The following ZNF14 variants were observed in gnomAD, a reference collection of about 807,000 sequenced individuals.
ZNF14 encodes the protein gonadotropin inducible transcription repressor-4.
Under a neutral mutation model 11.3 loss-of-function variants are expected in ZNF14, and 9 were observed. That is an observed-to-expected ratio of 0.80 (90% CI 0.48 to 1.39). The LOEUF is 1.39. Among genes scored for constraint, ZNF14 ranks in the 40% most tolerant of loss-of-function variants. The pLI, the probability that ZNF14 is intolerant of heterozygous loss-of-function variation, is 0.00. For missense variants in ZNF14, 711 were observed against 763.9 expected (o/e 0.93, Z 0.82); for synonymous variants, 239 against 245.7 (o/e 0.97, Z 0.25).
Position 19,711,956 on chromosome 19 carries a change from TTG to T in ZNF14, c.1323_1324del (p.His441GlnfsTer7), listed in dbSNP as rs2062361984. The T allele has an allele frequency of 2.5e-6, 4 of 1,611,160 alleles. No homozygotes were observed. Among genetic ancestry groups the T allele is most frequent in the Non-Finnish European group, 3.4e-6 (4 of 1,179,124 alleles). ...TTTACATTCATAGGGTTTCTCTGCA[TTG>T]TGAGTCCTTTCATGTCTTTGAAGGG... On this transcript the variant is annotated frameshift_variant, in exon 4 of 4. Transcript: ENST00000344099. LOFTEE classifies it low-confidence loss of function (END_TRUNC).
At chr19:19,719,953 G>A (rs1358301645) in intron 1 of ZNF14, among the ~76,000 whole-genome samples, 1 of 152,182 alleles carries the variant, frequency 6.6e-6, no homozygotes, top group Non-Finnish European at 1.5e-5. Flanking sequence ...TTCAGACAAA[G>A]CTGACTTCAC....
intron 1 of ZNF14, among the ~76,000 whole-genome samples, chr19:19,730,425 A>ATCACAGAC (rs2062419845): frequency 1.3e-5 from 2 of 152,230 alleles, no homozygotes; most frequent in African/African-American, 4.8e-5. Flanking sequence ...ACAGACAATG[A>ATCACAGAC]AATACAATCA....
At chr19:19,723,291 A>G (rs1040114637) in intron 1 of ZNF14, among the ~76,000 whole-genome samples, 1 of 152,192 alleles carries the variant, frequency 6.6e-6, no homozygotes, top group East Asian at 1.9e-4. Flanking sequence ...GCATGAAGGA[A>G]GGGCTGTTGA....
Position 19,712,529 on chromosome 19 carries a change from T to C in ZNF14, c.752A>G (p.Tyr251Cys), listed in dbSNP as rs1284540714. The part of the protein sequence containing the change: ...HKRTHTGEKP[Y>C]ECKQCGKAFS... ...AGCCTTACCACATTGCTTACATTCA[T>C]AGGGTTTCTCTCCAGTGTGAGTCCT... is the stretch of plus-strand genomic sequence containing the variant. Residue 251 changes from tyrosine to cysteine, a missense_variant, in exon 4 of 4, where the codon TAT (tyrosine) becomes TGT (cysteine). Tyr to Cys is a radical substitution (Grantham distance 194). Transcript: ENST00000344099. 1 of 1,613,520 alleles carries C rather than the reference T, an allele frequency of 6.2e-7. No homozygotes were observed.
intron 1 of ZNF14, among the ~76,000 whole-genome samples, chr19:19,730,438 G>A (rs2062419899): frequency 6.6e-6 from 1 of 152,142 alleles, no homozygotes; most frequent in Non-Finnish European, 1.5e-5. Context: ...TACAATCAAT[G>A]ATGACTCATA....
rs189180051 is a variant in ZNF14 at position 19,733,095 on chromosome 19, A to G, written c.-137T>C. 48 of 1,119,286 alleles carry G rather than the reference A, an allele frequency of 4.3e-5. No homozygotes were observed. The African/African-American group carries it at 6.4e-4, about 15-fold the overall frequency. 69.3% of individuals were successfully genotyped at this position (1,119,286 alleles called of 1,614,324 possible). On this transcript the variant is annotated 5_prime_UTR_variant, in exon 1 of 4. Coordinates refer to ENST00000344099, the MANE Select transcript of ZNF14 (RefSeq NM_021030.3). ...AAACGCAATCTTCCCATGGGCCAGG[A>G]ATGGCGACGTCCGCACTGCGCAGGC...
intron 1 of ZNF14, among the ~76,000 whole-genome samples, chr19:19,723,340 CA>C (rs1221989174): frequency 1.3e-5 from 2 of 152,100 alleles, no homozygotes; most frequent in African/African-American, 4.8e-5. Context: ...TTGAGATAAT[CA>C]TGTGGTTTTT....
chr19:19,715,465 CCAAA>C (rs1397165231), intron 1 of ZNF14, among the ~76,000 whole-genome samples: 1 of 152,138 alleles, frequency 6.6e-6, no homozygotes, highest in Non-Finnish European at 1.5e-5. Context: ...GAACTGAGCC[CCAAA>C]CAGAGTCAAG....
rs760940777 is a variant in ZNF14 at position 19,711,613 on chromosome 19, C to G, written c.1668G>C (p.Glu556Asp). ...IRLHERTHTG[E>D]KPYQCKQCGK... ...CACATTGTTTACATTGATACGGTTTCTCTCCAGTGTGAGTCCTTTCATGCA... is the reference window on the plus strand; with the variant it reads ...CACATTGTTTACATTGATACGGTTTGTCTCCAGTGTGAGTCCTTTCATGCA... Residue 556 changes from glutamate to aspartate, a missense_variant, in exon 4 of 4, where the codon GAG becomes GAC. Coordinates refer to ENST00000344099, the MANE Select transcript of ZNF14 (RefSeq NM_021030.3). The G allele has an allele frequency of 5.6e-6, 9 of 1,614,068 alleles. No homozygotes were observed. In the African/African-American group the frequency reaches 1.2e-4, roughly 22 times the overall value.
In ZNF14 at chr19:19,733,078, T is replaced by A. The variant is rs1421721652; in HGVS notation, c.-120A>T. The A allele has an allele frequency of 2.3e-6, 3 of 1,321,840 alleles. No homozygotes were observed. Among genetic ancestry groups the A allele is most frequent in the African/African-American group, 1.5e-5 (1 of 68,374 alleles). 81.9% of individuals were successfully genotyped at this position (1,321,840 alleles called of 1,614,324 possible). On this transcript the variant is annotated 5_prime_UTR_variant, in exon 1 of 4. Transcript: ENST00000344099. The stretch of plus-strand genomic sequence containing the variant: ...GCCTTCAGGAGCAGGTGAAACGCAA[T>A]CTTCCCATGGGCCAGGAATGGCGAC...
At chr19:19,731,136 A>G (rs2062422009) in intron 1 of ZNF14, among the ~76,000 whole-genome samples, 1 of 152,156 alleles carries the variant, frequency 6.6e-6, no homozygotes, top group Non-Finnish European at 1.5e-5. Flanking sequence ...TCTACAAATA[A>G]CCACCTTAGA....
At chr19:19,721,429 G>A (rs1283808772) in intron 1 of ZNF14, among the ~76,000 whole-genome samples, 2 of 152,182 alleles carry the variant, frequency 1.3e-5, no homozygotes, top group African/African-American at 4.8e-5. Context: ...GGTAAAAGAG[G>A]AGACTTAGAA....
chr19:19,728,477 C>A (rs180792549), intron 1 of ZNF14, among the ~76,000 whole-genome samples: 1 of 104,052 alleles, frequency 9.6e-6, no homozygotes, highest in Admixed American at 1.2e-4. Context: ...GATCGAGCCA[C>A]TGCACTCCAG....
At chr19:19,719,125 A>T (rs2062385520) in intron 1 of ZNF14, among the ~76,000 whole-genome samples, 1 of 152,308 alleles carries the variant, frequency 6.6e-6, no homozygotes, top group African/African-American at 2.4e-5. Context: ...TTAAAACATT[A>T]TAAGACAAAA....
At position 19,727,396 on chromosome 19, in the gene ZNF14, G is replaced by A. The variant is rs1030722123; in HGVS notation, c.3+5560C>T. On this transcript the variant is annotated intron_variant, in intron 1 of 3. Coordinates refer to ENST00000344099, the MANE Select transcript of ZNF14 (RefSeq NM_021030.3). ...AGTCATCCTCCCGCCTTGACCTTCC[G>A]AAGTGCTGGGATTATAGGTGTGAGG... Among the ~76,000 whole-genome samples, 30 of 131,822 alleles carry A rather than the reference G, an allele frequency of 2.3e-4. 6 individuals are homozygous for A. Among genetic ancestry groups the A allele is most frequent in the Admixed American group, 1.5e-3 (20 of 13,294 alleles). 86.5% of individuals were successfully genotyped at this position (131,822 alleles called of 152,430 possible).
At chr19:19,731,184 T>A (rs1194306801) in intron 1 of ZNF14, among the ~76,000 whole-genome samples, 1 of 152,198 alleles carries the variant, frequency 6.6e-6, no homozygotes, top group Non-Finnish European at 1.5e-5. Flanking sequence ...ACAAAAATAA[T>A]TAGTATTCCA....
intron 1 of ZNF14, among the ~76,000 whole-genome samples, chr19:19,725,879 A>G (rs1261424113): frequency 7.4e-6 from 1 of 134,328 alleles, no homozygotes; most frequent in Non-Finnish European, 1.7e-5. Context: ...CAGCTACTGA[A>G]GCTTGTGCAT....
At position 19,711,944 on chromosome 19, in the gene ZNF14, G is replaced by A. The variant is rs1405649102; in HGVS notation, c.1337C>T (p.Pro446Leu). ...RHERTHNAEK[P>L]YECKQCGKAF... ...TTTCCCACACTGTTTACATTCATAG[G>A]GTTTCTCTGCATTGTGAGTCCTTTC... is the stretch of plus-strand genomic sequence containing the variant. Residue 446 changes from proline (P) to leucine (L), a missense_variant, in exon 4 of 4, where the codon CCC becomes CTC. Coordinates refer to ENST00000344099, the MANE Select transcript of ZNF14 (RefSeq NM_021030.3). 1 of 1,613,878 alleles carries A rather than the reference G, an allele frequency of 6.2e-7. No individual in the cohort carries two copies. The highest frequency in any genetic ancestry group is 1.1e-5 in the South Asian group (1 of 91,064).
At chr19:19,713,748 C>CTTTTTTTTTTTTTTTTTTT (rs71172526) in intron 3 of ZNF14, among the ~76,000 whole-genome samples, 9 of 120,206 alleles carry the variant, frequency 7.5e-5, no homozygotes, top group Admixed American at 8.5e-5. Context: ...TGTGCCAGGC[C>CTTTTTTTTTTTTTTTTTTT]TTTTTTTTTT....
Sources: allele counts gnomAD v4.1 joint callset (sites outside exome capture counted in the v4.1 genomes callset), GRCh38; gene constraint gnomAD v4.1.1; transcripts MANE v1.5; gene names NCBI Gene and HGNC (gene_info 2026-07-23, HGNC 2026-07-21).